Variants in ZNF135 observed in about 807,000 individuals in gnomAD.
ZNF135 encodes zinc finger protein 135 (clone pHZ-17).
In ZNF135, 11 loss-of-function variants were observed where a neutral mutation model predicts 12.3. The observed-to-expected ratio is 0.89, with a 90% CI of 0.56 to 1.48. ZNF135 has a LOEUF of 1.48. ZNF135 is among the 40% of genes most tolerant of loss of function. The pLI is 0.00. For synonymous variants in ZNF135, 316 were observed against 312.0 expected (o/e 1.01, Z -0.14); for missense variants, 722 against 815.7 (o/e 0.89, Z 1.40).
rs1544888 is a variant in ZNF135, at chr19:58,059,544, T to A, written c.-35+234T>A. On this transcript the variant is annotated intron_variant, in intron 1 of 4. Coordinates refer to ENST00000313434, the MANE Select transcript of ZNF135 (RefSeq NM_001289401.2). The surrounding 1 kb of genome is among the most constrained non-coding windows in gnomAD (Gnocchi z 6.5). ...AGGAGGGCGGGGCCCAACGCCCAGC[T>A]GGACAGGAGCTGCTCCGACGGCCCC... is the stretch of plus-strand genomic sequence containing the variant. Among the ~76,000 whole-genome samples the A allele has an allele frequency of 6.6e-6, 1 of 151,850 alleles. No individual in the cohort carries two copies.
At position 58,060,916 on chromosome 19, in the gene ZNF135, G is replaced by C. The variant is rs186845178; in HGVS notation, c.34-664G>C. 3.6e-3 allele frequency among the ~76,000 whole-genome samples: 554 copies of C among 152,258 alleles called. 16 individuals are homozygous for C. The highest frequency in any genetic ancestry group is 0.033 in the Admixed American group (501 of 15,302). ...CCGAGGTGGGCGGATCACGAGGTCAGGAGATCGAGACCATCCTGGCGAACA... is the reference window on the plus strand; with the variant it reads ...CCGAGGTGGGCGGATCACGAGGTCACGAGATCGAGACCATCCTGGCGAACA... On this transcript the variant is annotated intron_variant, in intron 2 of 4. Coordinates refer to ENST00000313434, the MANE Select transcript of ZNF135 (RefSeq NM_001289401.2). This position sits in a 1 kb window ranked among gnomAD's most constrained non-coding sequence, Gnocchi z 4.9.
In ZNF135 at chr19:58,060,303, G is replaced by A; in HGVS notation, c.33+268G>A. On this transcript the variant is annotated intron_variant, in intron 2 of 4. Transcript: ENST00000313434. This position sits in a 1 kb window ranked among gnomAD's most constrained non-coding sequence, Gnocchi z 4.9. The stretch of plus-strand genomic sequence containing the variant: ...ATTTGCACATCTAGCCTCTACTCGT[G>A]TCCGGCCTCTACCTGCACACCCGGC... 7.3e-7 allele frequency: 1 copy of A among 1,366,298 alleles called. No homozygotes were observed. Among genetic ancestry groups the A allele is most frequent in the African/African-American group, 1.5e-5 (1 of 67,796 alleles). The allele number at this position is 1,366,298 out of a possible 1,614,324, so 84.6% of individuals were successfully genotyped here.
In ZNF135 at chr19:58,067,745, CAG is replaced by C. The variant is rs1195862481; in HGVS notation, c.1264_1265del (p.Ser422HisfsTer35). On this transcript the variant is annotated frameshift_variant, in exon 5 of 5. Coordinates refer to ENST00000313434, the MANE Select transcript of ZNF135 (RefSeq NM_001289401.2). LOFTEE classifies it low-confidence loss of function (END_TRUNC). ...TGGTGAGTGTGGGAAAGCCTTCAGT[CAG>C]AGCACACTCCTGACCGAGCATCGGA... Reference protein sequence around the residue: ...ECGECGKAFSQSTLLTEHRRI... With the variant: ...ECGECGKAFSXSTLLTEHRRI... 1 of 1,614,152 alleles carries C rather than the reference CAG, an allele frequency of 6.2e-7. No individual in the cohort carries two copies. The highest frequency in any genetic ancestry group is 1.1e-5 in the South Asian group (1 of 91,080).
chr19:58,063,523 C>T lies in ZNF135; in HGVS notation c.238C>T (p.Pro80Ser), dbSNP rs200161186. 67 of 1,614,008 alleles carry T rather than the reference C, an allele frequency of 4.2e-5. No homozygotes were observed. Among genetic ancestry groups the T allele is most frequent in the Non-Finnish European group, 5.6e-5 (66 of 1,180,000 alleles). Residue 80 changes from proline (P) to serine (S), a missense_variant, in exon 4 of 5, where the codon CCC becomes TCC. By Grantham distance (74) the Pro-to-Ser change is moderately conservative. Transcript: ENST00000313434. This position sits in a 1 kb window ranked among gnomAD's most constrained non-coding sequence, Gnocchi z 4.4. ...GCTGTGGGCGGTGGAGTCTAGACTT[C>T]CCCAAGGCGTGTACCCAGGTGAGAT... ...AELWAVESRL[P>S]QGVYPDLETR...
Position 58,063,573 on chromosome 19 carries a change from G to A in ZNF135, c.256+32G>A. The A allele has an allele frequency of 6.2e-7, 1 of 1,613,152 alleles. No individual in the cohort carries two copies. The highest frequency in any genetic ancestry group is 8.5e-7 in the Non-Finnish European group (1 of 1,179,496). Reference sequence around the variant, plus strand: ...TGGGAGCCCTTCGGGGCAGAGAGAAGCCTGTCCATGCTTGCTTCCTGGTTT... The same window carrying A: ...TGGGAGCCCTTCGGGGCAGAGAGAAACCTGTCCATGCTTGCTTCCTGGTTT... On this transcript the variant is annotated intron_variant, in intron 4 of 4. Transcript: ENST00000313434. This position sits in a 1 kb window ranked among gnomAD's most constrained non-coding sequence, Gnocchi z 4.4.
In ZNF135 at chr19:58,069,622, C is replaced by T. The variant is rs560348034; in HGVS notation, c.*1161C>T. On this transcript the variant is annotated 3_prime_UTR_variant, in exon 5 of 5. Transcript: ENST00000313434. ...GCGCGGTGACTTATGCCTGTAATCC[C>T]AGCACTTTGGGAGGCCAAGGTGGGA... 1 of 152,112 alleles carries T rather than the reference C, an allele frequency of 6.6e-6. No homozygotes were observed. The highest frequency in any genetic ancestry group is 6.6e-5 in the Admixed American group (1 of 15,256). 9.4% of individuals were successfully genotyped at this position (152,112 alleles called of 1,614,324 possible). A position where few individuals can be genotyped will look rare whatever the true frequency, so the allele number is the denominator to read the frequency against.
At position 58,069,317 on chromosome 19, in the gene ZNF135, C is replaced by T. The variant is rs1282239604; in HGVS notation, c.*856C>T. The T allele has an allele frequency of 1.3e-5, 2 of 152,246 alleles. No individual in the cohort carries two copies. Among genetic ancestry groups the T allele is most frequent in the African/African-American group, 4.8e-5 (2 of 41,528 alleles). 9.4% of individuals were successfully genotyped at this position (152,246 alleles called of 1,614,324 possible). ...CCTCTACATTTCTCTGCAGAACTCG[C>T]GTTAGAAACACAGATATTTGTTTTA... On this transcript the variant is annotated 3_prime_UTR_variant, in exon 5 of 5. Coordinates refer to ENST00000313434, the MANE Select transcript of ZNF135 (RefSeq NM_001289401.2).
rs369352923 is a variant in ZNF135 at position 58,059,322 on chromosome 19, C to G, written c.-35+12C>G. 2.3e-4 allele frequency: 259 copies of G among 1,148,532 alleles called. No individual in the cohort carries two copies. In the African/African-American group the frequency reaches 5.2e-3, roughly 23 times the overall value. The allele number at this position is 1,148,532 out of a possible 1,614,324, so 71.1% of individuals were successfully genotyped here. On this transcript the variant is annotated intron_variant, in intron 1 of 4. Transcript: ENST00000313434. The surrounding 1 kb of genome is among the most constrained non-coding windows in gnomAD (Gnocchi z 6.5). ...TCGCAGTCAGGAGGGTGAGCTAGGCCGGCGAGGAGGGGGAGGGGAGGCCAG... is the reference window on the plus strand; with the variant it reads ...TCGCAGTCAGGAGGGTGAGCTAGGCGGGCGAGGAGGGGGAGGGGAGGCCAG...
At position 58,060,351 on chromosome 19, in the gene ZNF135, C is replaced by G. The variant is rs1335935809; in HGVS notation, c.33+316C>G. 5 of 1,300,288 alleles carry G rather than the reference C, an allele frequency of 3.8e-6. No individual in the cohort carries two copies. The East Asian group carries it at 1.1e-4, about 29-fold the overall frequency. 80.5% of individuals were successfully genotyped at this position (1,300,288 alleles called of 1,614,324 possible). On this transcript the variant is annotated intron_variant, in intron 2 of 4. Transcript: ENST00000313434. This position sits in a 1 kb window ranked among gnomAD's most constrained non-coding sequence, Gnocchi z 4.9. ...GGCCTCCTAAAGTCCGCGCCAAGCT[C>G]CCCAACCACAGCCTGCCTCTGAAAG...
At position 58,059,901 on chromosome 19, in the gene ZNF135, G is replaced by T. The variant is rs557567737; in HGVS notation, c.-34-68G>T. ...GCGGAGCTCCCCAGGCTCTGGCGCA[G>T]TTCCCCGGCTTGGGGACCTGAGCAC... is the stretch of plus-strand genomic sequence containing the variant. On this transcript the variant is annotated intron_variant, in intron 1 of 4. Transcript: ENST00000313434. The surrounding 1 kb of genome is among the most constrained non-coding windows in gnomAD (Gnocchi z 6.5). 4 of 1,582,150 alleles carry T rather than the reference G, an allele frequency of 2.5e-6. No homozygotes were observed. Among genetic ancestry groups the T allele is most frequent in the Non-Finnish European group, 2.6e-6 (3 of 1,162,218 alleles).
Position 58,067,208 on chromosome 19 carries a change from T to C in ZNF135, c.724T>C (p.Tyr242His). Reference sequence around the variant, plus strand: ...CCGGACGCACACAGGAGAGAGACCTTACGAATGTCACGAATGCTTAAAAGG... The same window carrying C: ...CCGGACGCACACAGGAGAGAGACCTCACGAATGTCACGAATGCTTAAAAGG... ...HHRTHTGERP[Y>H]ECHECLKGFR... is the part of the protein sequence containing the mutation. Residue 242 changes from tyrosine to histidine, a missense_variant, in exon 5 of 5, where the codon TAC (tyrosine) becomes CAC (histidine). Transcript: ENST00000313434. 1 of 1,614,072 alleles carries C rather than the reference T, an allele frequency of 6.2e-7. No individual in the cohort carries two copies. The highest frequency in any genetic ancestry group is 8.5e-7 in the Non-Finnish European group (1 of 1,179,942).
chr19:58,060,190 C>T lies in ZNF135; in HGVS notation c.33+155C>T. 6.7e-7 allele frequency: 1 copy of T among 1,502,872 alleles called. No individual in the cohort carries two copies. The highest frequency in any genetic ancestry group is 2.5e-5 in the East Asian group (1 of 40,314). 93.1% of individuals were successfully genotyped at this position (1,502,872 alleles called of 1,614,324 possible). A position where few individuals can be genotyped will look rare whatever the true frequency, so the allele number is the denominator to read the frequency against. ...CCCCTACTTGCGTGCCCGGCCCCTA[C>T]TCGTGCCCGGCCTCTACTCGCACAA... On this transcript the variant is annotated intron_variant, in intron 2 of 4. Coordinates refer to ENST00000313434, the MANE Select transcript of ZNF135 (RefSeq NM_001289401.2). The surrounding 1 kb of genome is among the most constrained non-coding windows in gnomAD (Gnocchi z 4.9).
intron 4 of ZNF135, among the ~76,000 whole-genome samples, chr19:58,064,399 C>G (rs532977038): frequency 1.3e-5 from 2 of 152,256 alleles, no homozygotes; most frequent in South Asian, 2.1e-4. Context: ...ACCCCTGAGA[C>G]AGCAAGACCA....
At chr19:58,062,419 G>C (rs991498843) in intron 3 of ZNF135, among the ~76,000 whole-genome samples, 2 of 152,032 alleles carry the variant, frequency 1.3e-5, no homozygotes, top group African/African-American at 4.8e-5. Context: ...GTCTCGCTGT[G>C]TCACCCGGGC....
chr19:58,066,865 G>A lies in ZNF135; in HGVS notation c.381G>A (p.Glu127=). The A allele has an allele frequency of 1.2e-6, 2 of 1,614,206 alleles. No individual in the cohort carries two copies. Among genetic ancestry groups the A allele is most frequent in the South Asian group, 1.1e-5 (1 of 91,088 alleles). ...LWDGLWYCRG[E]DTEGHWEWSC... ...ATGGTCTGTGGTACTGCAGGGGTGA[G>A]GACACTGAGGGCCACTGGGAATGGA... Residue 127 remains glutamate, a synonymous_variant, in exon 5 of 5, where the codon GAG becomes GAA. Transcript: ENST00000313434.
rs2073921717 is a variant in ZNF135, at chr19:58,059,311, G to A, written c.-35+1G>A. 6.6e-7 allele frequency: 1 copy of A among 1,510,222 alleles called. No individual in the cohort carries two copies. The highest frequency in any genetic ancestry group is 8.9e-7 in the Non-Finnish European group (1 of 1,129,202). 93.6% of individuals were successfully genotyped at this position (1,510,222 alleles called of 1,614,324 possible). A position where few individuals can be genotyped will look rare whatever the true frequency, so the allele number is the denominator to read the frequency against. Reference sequence around the variant, plus strand: ...CGGCCTTTGTCTCGCAGTCAGGAGGGTGAGCTAGGCCGGCGAGGAGGGGGA... The same window carrying A: ...CGGCCTTTGTCTCGCAGTCAGGAGGATGAGCTAGGCCGGCGAGGAGGGGGA... On this transcript the variant is annotated splice_donor_variant, in intron 1 of 4. Transcript: ENST00000313434. LOFTEE classifies it low-confidence loss of function (5UTR_SPLICE). The surrounding 1 kb of genome is among the most constrained non-coding windows in gnomAD (Gnocchi z 6.5).
At chr19:58,064,729 CA>C (rs56376424) in intron 4 of ZNF135, among the ~76,000 whole-genome samples, 40,934 of 140,950 alleles carry the variant, frequency 0.29, 5,614 homozygotes, top group African/African-American at 0.31. Context: ...AAAAAAAATA[CA>C]AAAAAAAAAA....
In ZNF135 at chr19:58,068,361, G is replaced by A. The variant is rs916034610; in HGVS notation, c.1877G>A (p.Arg626Lys). 16 of 1,613,666 alleles carry A rather than the reference G, an allele frequency of 9.9e-6. No individual in the cohort carries two copies. The highest frequency in any genetic ancestry group is 3.3e-4 in the Middle Eastern group (2 of 6,084). Residue 626 changes from arginine (R) to lysine (K), a missense_variant, in exon 5 of 5, where the codon AGG becomes AAG. Coordinates refer to ENST00000313434, the MANE Select transcript of ZNF135 (RefSeq NM_001289401.2). ...RQSTHLTQHR[R>K]IHTGEKPYAC... ...AGCACCCACCTCACTCAGCACCGGA[G>A]GATCCACACAGGAGAGAAGCCATAT...
At chr19:58,059,246 A>C, upstream of ZNF135, 4 of 1,582,450 alleles carry the variant, frequency 2.5e-6, no homozygotes, top group Non-Finnish European at 3.4e-6. The surrounding 1 kb of genome is among the most constrained non-coding windows in gnomAD (Gnocchi z 6.5). Context: ...TGGGAAATGG[A>C]GTTAGGCTCG....
Sources: allele counts gnomAD v4.1 joint callset (sites outside exome capture counted in the v4.1 genomes callset), GRCh38; gene constraint gnomAD v4.1.1; non-coding constraint Gnocchi (gnomAD v3.1); transcripts MANE v1.5; gene names NCBI Gene and HGNC (gene_info 2026-07-23, HGNC 2026-07-21).